NTRK3: variants seen among roughly 807,000 people sequenced by gnomAD.
NTRK3 encodes the protein neurotrophic receptor tyrosine kinase 3.
In NTRK3, 24 loss-of-function variants were observed where a neutral mutation model predicts 91.7. That is an observed-to-expected ratio of 0.26 (90% CI 0.19 to 0.37). NTRK3 has a LOEUF of 0.37. Ranked by LOEUF, NTRK3 falls within the 10% of genes least tolerant of loss-of-function variation. The pLI is 1.00. For synonymous variants in NTRK3, 483 were observed against 404.0 expected, an observed-to-expected ratio of 1.20 and a Z score of -2.34; for missense variants, 880 against 1,068.9, an observed-to-expected ratio of 0.82 and a Z score of 2.46.
intron 15 of NTRK3, among the ~76,000 whole-genome samples, chr15:87,940,314 G>A (rs1328079637): frequency 1.3e-5 from 2 of 152,200 alleles, no homozygotes; most frequent in African/African-American, 2.4e-5. Context: ...ATGGTGAAGG[G>A]TGGAGTGTGG....
At chr15:88,098,152 T>C (rs1050178618) in intron 13 of NTRK3, among the ~76,000 whole-genome samples, 4 of 152,228 alleles carry the variant, frequency 2.6e-5, no homozygotes, top group Admixed American at 2.6e-4. Flanking sequence ...AAGCACTGTT[T>C]ATAAGCAGCA....
chr15:88,134,587 T>A (rs950455541), intron 10 of NTRK3, among the ~76,000 whole-genome samples: 1 of 152,128 alleles, frequency 6.6e-6, no homozygotes, highest in Admixed American at 6.5e-5. Flanking sequence ...CATTCATCCG[T>A]TAAATGGAGG....
At chr15:88,174,480 T>G (rs1357335874) in intron 5 of NTRK3, among the ~76,000 whole-genome samples, 2 of 152,086 alleles carry the variant, frequency 1.3e-5, no homozygotes, top group African/African-American at 4.8e-5. Flanking sequence ...CTGCATATAG[T>G]CCTGACTCAA....
At chr15:88,092,524 A>C (rs1429622591) in intron 13 of NTRK3, among the ~76,000 whole-genome samples, 1 of 152,212 alleles carries the variant, frequency 6.6e-6, no homozygotes, top group East Asian at 1.9e-4. Flanking sequence ...TGTGGCCACA[A>C]GCCAGACTGG....
intron 13 of NTRK3, among the ~76,000 whole-genome samples, chr15:88,122,947 C>T (rs556006527): frequency 2.2e-4 from 33 of 152,272 alleles, no homozygotes; most frequent in African/African-American, 7.9e-4. Flanking sequence ...GTGATTTCTG[C>T]CATAGGTCGC....
At chr15:88,214,942 A>G (rs893968763) in intron 3 of NTRK3, among the ~76,000 whole-genome samples, 1 of 152,132 alleles carries the variant, frequency 6.6e-6, no homozygotes, top group Non-Finnish European at 1.5e-5. Flanking sequence ...AGGGATGGGG[A>G]ACTCATGACT....
chr15:87,876,961 G>A (rs2064973461), exon 19 of NTRK3: 1 of 1,613,706 alleles, frequency 6.2e-7, no homozygotes, highest in South Asian at 1.1e-5. Flanking sequence ...AGGTAGATTG[G>A]GGTGGCCTTC....
In NTRK3 at chr15:88,255,855, G is replaced by A. The variant is rs1448765172; in HGVS notation, c.248+51C>T. The A allele has an allele frequency of 6.4e-7, 1 of 1,550,476 alleles. No homozygotes were observed. The highest frequency in any genetic ancestry group is 1.2e-5 in the South Asian group (1 of 83,840). On this transcript the variant is annotated intron_variant, in intron 3 of 18. Coordinates refer to ENST00000394480, the Ensembl canonical transcript of NTRK3. The surrounding 1 kb of genome is among the most constrained non-coding windows in gnomAD (Gnocchi z 4.3). ...GCTCCCGGCCGCGGGTGGGCAGGAGGGAGACGCAGAGCGCGGGGGAGGCAG... is the reference window on the plus strand; with the variant it reads ...GCTCCCGGCCGCGGGTGGGCAGGAGAGAGACGCAGAGCGCGGGGGAGGCAG...
chr15:88,143,410 C>G (rs2042580261), intron 6 of NTRK3, among the ~76,000 whole-genome samples: 1 of 152,102 alleles, frequency 6.6e-6, no homozygotes, highest in Non-Finnish European at 1.5e-5. Context: ...GGAGTGTGGC[C>G]CTGCCAACTC....
intron 17 of NTRK3, among the ~76,000 whole-genome samples, chr15:87,904,691 T>C (rs1014251921): frequency 1.3e-5 from 2 of 152,172 alleles, no homozygotes; most frequent in Non-Finnish European, 2.9e-5. Context: ...AGACATATCT[T>C]GTATGTGTGA....
At chr15:87,960,667 T>G (rs2072186771) in intron 14 of NTRK3, among the ~76,000 whole-genome samples, 1 of 152,104 alleles carries the variant, frequency 6.6e-6, no homozygotes, top group Non-Finnish European at 1.5e-5. Context: ...ATATTTTTAG[T>G]GGAGATGGTG....
At position 88,158,872 on chromosome 15, in the gene NTRK3, T is replaced by C. The variant is rs570141621; in HGVS notation, c.396-11469A>G. ...TGTGCCCAAGACATCACACTCATTT[T>C]TACTCAAGAGCTGTCATGACAAGAG... On this transcript the variant is annotated intron_variant, in intron 5 of 18. Transcript: ENST00000394480. Among the ~76,000 whole-genome samples, 195 of 152,276 alleles carry C rather than the reference T, an allele frequency of 1.3e-3. 1 individual carries two copies. The highest frequency in any genetic ancestry group is 2.1e-3 in the East Asian group (11 of 5,158).
chr15:87,955,060 G>GCTAACTACTAAC, intron 14 of NTRK3, among the ~76,000 whole-genome samples: 1 of 152,318 alleles, frequency 6.6e-6, no homozygotes, highest in Middle Eastern at 3.4e-3. Flanking sequence ...TTTGGGAAGT[G>GCTAACTACTAAC]TGATCTACTG....
chr15:87,910,660 G>A (rs933386964), intron 17 of NTRK3, among the ~76,000 whole-genome samples: 1 of 152,156 alleles, frequency 6.6e-6, no homozygotes, highest in Non-Finnish European at 1.5e-5. Flanking sequence ...CAAAGCAGAT[G>A]TCTAAAATAG....
At chr15:88,229,327 G>A (rs1353641904) in intron 3 of NTRK3, among the ~76,000 whole-genome samples, 1 of 152,170 alleles carries the variant, frequency 6.6e-6, no homozygotes, top group Non-Finnish European at 1.5e-5. Context: ...GAGCCCATGA[G>A]CAGGAGAACT....
At chr15:88,122,068 G>C (rs2052770294) in intron 13 of NTRK3, among the ~76,000 whole-genome samples, 2 of 152,182 alleles carry the variant, frequency 1.3e-5, no homozygotes, top group African/African-American at 2.4e-5. Context: ...CCGACAGAGA[G>C]AGATCTCCAA....
At chr15:87,996,223 G>A (rs538664003) in intron 14 of NTRK3, among the ~76,000 whole-genome samples, 7 of 152,190 alleles carry the variant, frequency 4.6e-5, no homozygotes, top group African/African-American at 1.4e-4. Context: ...CAGCCTGGGC[G>A]ACAGAGAGAG....
intron 13 of NTRK3, among the ~76,000 whole-genome samples, chr15:88,062,074 G>A (rs1012042792): frequency 4.6e-5 from 7 of 152,160 alleles, no homozygotes; most frequent in African/African-American, 1.7e-4. Flanking sequence ...CGCTTACATT[G>A]TATTAAGTTT....
chr15:88,088,316 G>T (rs2048695600), intron 13 of NTRK3, among the ~76,000 whole-genome samples: 2 of 152,156 alleles, frequency 1.3e-5, no homozygotes, highest in South Asian at 2.1e-4. Context: ...AGTTGTTGTT[G>T]CTATGAGTAT....
Sources: gnomAD v4.1 joint callset for allele counts (sites outside exome capture counted in the v4.1 genomes callset) on GRCh38, gnomAD v4.1.1 for gene constraint, Gnocchi (gnomAD v3.1) non-coding constraint, MANE v1.5 for transcripts, NCBI Gene and HGNC (gene_info 2026-07-23, HGNC 2026-07-21) for gene names.